Variants in SUGCT observed in about 807,000 individuals in gnomAD.
SUGCT encodes succinyl-CoA:glutarate CoA-transferase.
In SUGCT, 41 loss-of-function variants were observed where a neutral mutation model predicts 55.0. That is an observed-to-expected ratio of 0.74 (90% confidence interval 0.58 to 0.97). SUGCT has a LOEUF of 0.97. Among genes scored for constraint, SUGCT ranks in the 50% least tolerant of loss-of-function variants. The probability of loss-of-function intolerance (pLI) is 0.00; values close to 1 mark genes in which losing one functional copy is unlikely to be tolerated. For synonymous variants in SUGCT, 187 were observed against 200.4 expected (o/e 0.93, Z 0.56); for missense variants, 568 against 547.8 (o/e 1.04, Z -0.37).
intron 9 of SUGCT, among the ~76,000 whole-genome samples, chr7:40,403,702 C>T (rs1786210194): frequency 6.6e-6 from 1 of 152,178 alleles, no homozygotes; most frequent in Non-Finnish European, 1.5e-5. Flanking sequence ...CTCTGCTTTC[C>T]ATGTGATTAG....
intron 12 of SUGCT, among the ~76,000 whole-genome samples, chr7:40,517,591 TATA>T (rs1793310414): frequency 6.6e-6 from 1 of 152,144 alleles, no homozygotes; most frequent in Non-Finnish European, 1.5e-5. Flanking sequence ...TGAACATATT[TATA>T]ATGACTGTTT....
At chr7:40,396,854 C>T (rs766981924) in intron 9 of SUGCT, among the ~76,000 whole-genome samples, 6 of 152,056 alleles carry the variant, frequency 3.9e-5, no homozygotes, top group Non-Finnish European at 7.4e-5. Context: ...TAAGCAGTAA[C>T]TGGACAAAGC....
the SUGCT span, among the ~76,000 whole-genome samples, chr7:40,933,164 A>G: frequency 6.6e-6 from 1 of 152,062 alleles, no homozygotes; most frequent in African/African-American, 2.4e-5. Context: ...GCTTGTCTGT[A>G]AAGGATTTTA....
chr7:40,549,134 C>T (rs1795167069), intron 12 of SUGCT, among the ~76,000 whole-genome samples: 1 of 152,118 alleles, frequency 6.6e-6, no homozygotes, highest in Admixed American at 6.5e-5. Context: ...TCCTATTTCC[C>T]ACCCTATTCT....
intron 9 of SUGCT, among the ~76,000 whole-genome samples, chr7:40,403,113 A>G (rs905182820): frequency 6.6e-6 from 1 of 151,634 alleles, no homozygotes; most frequent in Non-Finnish European, 1.5e-5. Context: ...TTATTTTTCC[A>G]TTTTCCTTGT....
intron 9 of SUGCT, among the ~76,000 whole-genome samples, chr7:40,410,285 A>G (rs1786600541): frequency 3.3e-5 from 5 of 152,080 alleles, no homozygotes; most frequent in Admixed American, 3.3e-4. Flanking sequence ...TCCAGTTAAT[A>G]CTTTTTGTCT....
chr7:40,221,489 T>C (rs924448133), intron 6 of SUGCT, among the ~76,000 whole-genome samples: 8 of 150,772 alleles, frequency 5.3e-5, no homozygotes, highest in African/African-American at 1.9e-4. Flanking sequence ...AAAGCTGTTA[T>C]TGGTCTTTTT....
At chr7:40,730,703 T>C (rs1212210287) in intron 12 of SUGCT, among the ~76,000 whole-genome samples, 1 of 152,192 alleles carries the variant, frequency 6.6e-6, no homozygotes, top group Non-Finnish European at 1.5e-5. Context: ...ACCCTCTCCC[T>C]TGGGTCCTGG....
intron 12 of SUGCT, among the ~76,000 whole-genome samples, chr7:40,580,164 G>A (rs1044211218): frequency 2.6e-5 from 4 of 152,110 alleles, no homozygotes; most frequent in African/African-American, 9.7e-5. Context: ...AGTGAAACAT[G>A]AGCGTGAACA....
At chr7:40,421,431 G>C (rs1787302632) in intron 9 of SUGCT, among the ~76,000 whole-genome samples, 1 of 152,060 alleles carries the variant, frequency 6.6e-6, no homozygotes, top group Admixed American at 6.6e-5. Context: ...TCCTGGACAG[G>C]CTCCTGGATA....
At chr7:40,366,975 T>C (rs1313435126) in intron 9 of SUGCT, among the ~76,000 whole-genome samples, 4 of 152,176 alleles carry the variant, frequency 2.6e-5, no homozygotes, top group Non-Finnish European at 5.9e-5. Context: ...CGTATGTTTA[T>C]TGCGGCACTA....
intron 13 of SUGCT, among the ~76,000 whole-genome samples, chr7:40,801,232 G>A (rs1348188326): frequency 1.3e-5 from 2 of 152,230 alleles, no homozygotes; most frequent in Non-Finnish European, 2.9e-5. Context: ...ATACACATGA[G>A]CCATCCGGGG....
chr7:40,655,822 A>G (rs1455502344), intron 12 of SUGCT, among the ~76,000 whole-genome samples: 1 of 152,194 alleles, frequency 6.6e-6, no homozygotes, highest in African/African-American at 2.4e-5. Flanking sequence ...TATCCAATGG[A>G]GAATACTTTT....
At chr7:40,334,676 CAA>C (rs1796573598) in intron 9 of SUGCT, among the ~76,000 whole-genome samples, 1 of 152,226 alleles carries the variant, frequency 6.6e-6, no homozygotes, top group East Asian at 1.9e-4. Context: ...GAGTAGATTG[CAA>C]AAATTTTCTC....
At chr7:40,665,797 A>C (rs1476510360) in intron 12 of SUGCT, among the ~76,000 whole-genome samples, 1 of 152,170 alleles carries the variant, frequency 6.6e-6, no homozygotes, top group African/African-American at 2.4e-5. Context: ...GTGGGAGCAC[A>C]GGATGTGACA....
intron 6 of SUGCT, among the ~76,000 whole-genome samples, chr7:40,207,555 G>A (rs183616715): frequency 1.9e-4 from 29 of 152,242 alleles, no homozygotes; most frequent in Admixed American, 1.2e-3. Context: ...GGTGGTTCAC[G>A]CCTGTAATCC....
intron 12 of SUGCT, among the ~76,000 whole-genome samples, chr7:40,609,829 C>G (rs1435656609): frequency 2.0e-5 from 3 of 152,078 alleles, no homozygotes; most frequent in Non-Finnish European, 2.9e-5. Flanking sequence ...TTTCAAAACG[C>G]TAAGTGATTT....
intron 8 of SUGCT, among the ~76,000 whole-genome samples, chr7:40,306,320 A>C (rs1263940215): frequency 1.3e-5 from 2 of 152,198 alleles, no homozygotes; most frequent in African/African-American, 4.8e-5. Flanking sequence ...TCTCTTTATC[A>C]AAAAATGTTA....
intron 9 of SUGCT, among the ~76,000 whole-genome samples, chr7:40,350,239 T>A (rs1009424596): frequency 6.6e-6 from 1 of 151,160 alleles, no homozygotes. Context: ...TTTTAAAACT[T>A]TTCCTGTTTT....
Sources: gnomAD v4.1 joint callset for allele counts (sites outside exome capture counted in the v4.1 genomes callset) on GRCh38, gnomAD v4.1.1 for gene constraint, MANE v1.5 for transcripts, NCBI Gene and HGNC (gene_info 2026-07-23, HGNC 2026-07-21) for gene names.